FRMD6: variants seen among roughly 807,000 people sequenced by gnomAD.
FRMD6 encodes FERM domain containing 6.
Under a neutral mutation model 73.2 loss-of-function variants are expected in FRMD6, and 37 were observed. That is an observed-to-expected ratio of 0.51 (90% CI 0.39 to 0.66). FRMD6 has a LOEUF of 0.66. Ranked by LOEUF, FRMD6 falls within the 30% of genes least tolerant of loss-of-function variation. The pLI is 0.00. For missense variants in FRMD6, 714 were observed against 780.5 expected, an observed-to-expected ratio of 0.91 and a Z score of 1.02; for synonymous variants, 273 against 282.2, an observed-to-expected ratio of 0.97 and a Z score of 0.33.
At chr14:51,644,609 ATG>A (rs1414417791) in intron 2 of FRMD6, among the ~76,000 whole-genome samples, 1 of 152,156 alleles carries the variant, frequency 6.6e-6, no homozygotes, top group East Asian at 1.9e-4. Flanking sequence ...AAAATAAGTG[ATG>A]TGTTAATATT....
At chr14:51,450,488 C>T in the FRMD6 span, among the ~76,000 whole-genome samples, 2 of 152,140 alleles carry the variant, frequency 1.3e-5, no homozygotes, top group Non-Finnish European at 2.9e-5. Flanking sequence ...AAATGAAGCT[C>T]ATTCAAAAGA....
chr14:51,669,158 T>G (rs1022997027), intron 1 of FRMD6, among the ~76,000 whole-genome samples: 23 of 152,080 alleles, frequency 1.5e-4, no homozygotes, highest in Non-Finnish European at 2.9e-4. Context: ...CCCCTGCCAC[T>G]CTAGATGCTT....
chr14:51,474,157 C>G, the FRMD6 span, among the ~76,000 whole-genome samples: 1 of 152,224 alleles, frequency 6.6e-6, no homozygotes, highest in Non-Finnish European at 1.5e-5. Context: ...CACAGCATCA[C>G]TTCTAGGTCT....
chr14:51,457,616 C>A, the FRMD6 span, among the ~76,000 whole-genome samples: 3 of 152,166 alleles, frequency 2.0e-5, no homozygotes, highest in Admixed American at 2.0e-4. Flanking sequence ...TTCTAAGATG[C>A]CCCAGTTATA....
At chr14:51,583,519 A>C (rs1322689914) in intron 2 of FRMD6, among the ~76,000 whole-genome samples, 1 of 152,222 alleles carries the variant, frequency 6.6e-6, no homozygotes, top group Non-Finnish European at 1.5e-5. Flanking sequence ...AGCACTTACT[A>C]TGTACCTGGA....
intron 1 of FRMD6, among the ~76,000 whole-genome samples, chr14:51,676,650 T>C (rs1284431440): frequency 6.6e-6 from 1 of 152,302 alleles, no homozygotes; most frequent in East Asian, 1.9e-4. Flanking sequence ...CTGATGTGCT[T>C]TACAGAATTG....
At chr14:51,725,074 G>T (rs889959603) in intron 12 of FRMD6, among the ~76,000 whole-genome samples, 8 of 152,170 alleles carry the variant, frequency 5.3e-5, no homozygotes, top group African/African-American at 1.9e-4. Context: ...GCTGCAGGAG[G>T]TATGTGCCAA....
At chr14:51,517,295 T>A (rs1021176749) in intron 1 of FRMD6, among the ~76,000 whole-genome samples, 4 of 146,918 alleles carry the variant, frequency 2.7e-5, no homozygotes, top group South Asian at 2.2e-4. Flanking sequence ...CCCTGAGGAG[T>A]TTGCTGGCAG....
At chr14:51,671,057 A>G (rs1893973611) in intron 1 of FRMD6, among the ~76,000 whole-genome samples, 1 of 152,188 alleles carries the variant, frequency 6.6e-6, no homozygotes, top group East Asian at 1.9e-4. Context: ...AGTAACATTG[A>G]TTTTTGAATA....
the FRMD6 span, among the ~76,000 whole-genome samples, chr14:51,437,148 C>A: frequency 6.6e-6 from 1 of 152,174 alleles, no homozygotes; most frequent in Non-Finnish European, 1.5e-5. Context: ...CCCCCACCCC[C>A]CGACAGGCCC....
At chr14:51,536,737 G>A (rs967270496) in intron 1 of FRMD6, among the ~76,000 whole-genome samples, 1 of 152,194 alleles carries the variant, frequency 6.6e-6, no homozygotes, top group East Asian at 1.9e-4. Context: ...ATTTTTAAAA[G>A]TTTTTAGAAA....
At chr14:51,700,022 T>C (rs1009299538) in intron 3 of FRMD6, among the ~76,000 whole-genome samples, 4 of 151,976 alleles carry the variant, frequency 2.6e-5, no homozygotes, top group South Asian at 2.1e-4. Context: ...CGAGTAACTT[T>C]ACCCTTCCTA....
chr14:51,436,684 A>G, the FRMD6 span: 1 of 530,386 alleles, frequency 1.9e-6, no homozygotes. Flanking sequence ...CTAATGAGTT[A>G]GGAGAGGTCA....
chr14:51,446,533 C>T, the FRMD6 span, among the ~76,000 whole-genome samples: 9 of 150,506 alleles, frequency 6.0e-5, no homozygotes, highest in African/African-American at 1.7e-4. Flanking sequence ...AGTCACACGT[C>T]CAGAGAAAGA....
intron 1 of FRMD6, among the ~76,000 whole-genome samples, chr14:51,516,962 G>T (rs189192980): frequency 6.6e-6 from 1 of 152,116 alleles, no homozygotes; most frequent in Non-Finnish European, 1.5e-5. Flanking sequence ...ACTTTGTCAA[G>T]ATGGCTGTCA....
At chr14:51,453,884 A>G in the FRMD6 span, among the ~76,000 whole-genome samples, 2 of 152,218 alleles carry the variant, frequency 1.3e-5, no homozygotes, top group African/African-American at 2.4e-5. Flanking sequence ...ATTTTTTTCC[A>G]ATTAAAATTG....
chr14:51,695,027 G>A (rs1349906153), intron 2 of FRMD6, among the ~76,000 whole-genome samples: 2 of 150,874 alleles, frequency 1.3e-5, no homozygotes, highest in Non-Finnish European at 2.9e-5. Flanking sequence ...AATAATAAAT[G>A]TATGGGCTGC....
the FRMD6 span, among the ~76,000 whole-genome samples, chr14:51,446,445 G>GAGACACACACACACACACAC: frequency 2.9e-5 from 4 of 139,120 alleles, no homozygotes; most frequent in South Asian, 5.0e-4. Context: ...CTCTTGTGTA[G>GAGACACACACACACACACAC]ACACACACAC....
intron 2 of FRMD6, among the ~76,000 whole-genome samples, chr14:51,608,286 C>T (rs1242258910): frequency 6.6e-6 from 1 of 152,180 alleles, no homozygotes; most frequent in Non-Finnish European, 1.5e-5. Flanking sequence ...ACAACACAGA[C>T]ATAATCAGAC....
Sources: gnomAD v4.1 joint callset for allele counts (sites outside exome capture counted in the v4.1 genomes callset) on GRCh38, gnomAD v4.1.1 for gene constraint, MANE v1.5 for transcripts, NCBI Gene and HGNC (gene_info 2026-07-23, HGNC 2026-07-21) for gene names.